PPEF2: variants seen among roughly 807,000 people sequenced by gnomAD.
PPEF2 encodes the protein protein phosphatase with EF-hand domain 2, also known as serine/threonine-protein phosphatase with EF-hands 2.
Under a neutral mutation model 84.7 loss-of-function variants are expected in PPEF2, and 84 were observed. That is an observed-to-expected ratio of 0.99 (90% CI 0.83 to 1.19). The LOEUF (loss-of-function observed/expected upper bound fraction) is 1.19, where lower values mean the gene tolerates loss of function less well. PPEF2 is among the 50% of genes most tolerant of loss of function. The pLI is 0.00. For missense variants in PPEF2, 924 were observed against 937.5 expected (o/e 0.99, Z 0.19); for synonymous variants, 346 against 345.2 (o/e 1.00, Z -0.03).
chr4:75,873,300 G>T lies in PPEF2; in HGVS notation c.1333C>A (p.Leu445Met), dbSNP rs753068486. The T allele has an allele frequency of 5.6e-6, 9 of 1,612,632 alleles. No homozygotes were observed. The highest frequency in any genetic ancestry group is 7.6e-6 in the Non-Finnish European group (9 of 1,179,554). ...TCTTGAGCCATGGGATCACTCCACA[G>T]GATATCTACAACCTGAGAAGACCAA... ...QEEWRQVVDI[L>M]WSDPMAQEGC... Residue 445 changes from leucine to methionine, a missense_variant, in exon 12 of 17, where the codon CTG (leucine) becomes ATG (methionine). Transcript: ENST00000286719.
At chr4:75,872,886 A>G (rs1418072091) in intron 12 of PPEF2, among the ~76,000 whole-genome samples, 3 of 152,214 alleles carry the variant, frequency 2.0e-5, no homozygotes, top group Non-Finnish European at 4.4e-5. Flanking sequence ...CCATTCATAA[A>G]ATGGGACCAT....
At chr4:75,875,466 A>G (rs150452472) in intron 11 of PPEF2, among the ~76,000 whole-genome samples, 2,088 of 152,144 alleles carry the variant, frequency 0.014, 46 homozygotes, top group African/African-American at 0.047. Flanking sequence ...AAAATTAGCC[A>G]GGCATGGTGG....
chr4:75,860,598 G>C lies in PPEF2; in HGVS notation c.*69C>G. ...GCATAAAGTTTCACATGGAGAATAA[G>C]GGAGATAGTCTAGTGAGAAGCTGAG... On this transcript the variant is annotated 3_prime_UTR_variant, in exon 17 of 17. Coordinates refer to ENST00000286719, the MANE Select transcript of PPEF2 (RefSeq NM_006239.3). 1 of 1,571,450 alleles carries C rather than the reference G, an allele frequency of 6.4e-7. No homozygotes were observed. Among genetic ancestry groups the C allele is most frequent in the South Asian group, 1.1e-5 (1 of 87,136 alleles).
At chr4:75,892,111 A>C in intron 2 of PPEF2, 133 bp from the exon 3 acceptor site, 1 of 1,149,278 alleles carries the variant, frequency 8.7e-7, no homozygotes, top group Admixed American at 2.3e-5. Context: ...AGCACTACCC[A>C]TTGACGCCCA....
intron 10 of PPEF2, 95 bp from the exon 11 acceptor site, chr4:75,876,768 G>A: frequency 7.4e-7 from 1 of 1,351,154 alleles, no homozygotes; most frequent in East Asian, 2.5e-5. Flanking sequence ...AACTTTGGGA[G>A]ACTGAGCCCA....
At chr4:75,878,960 T>C (rs752362608) in intron 10 of PPEF2, among the ~76,000 whole-genome samples, 1 of 152,188 alleles carries the variant, frequency 6.6e-6, no homozygotes, top group Non-Finnish European at 1.5e-5. Context: ...TGTTAGAAGA[T>C]GGTTTATTTA....
At chr4:75,875,468 G>C (rs1393743181) in intron 11 of PPEF2, among the ~76,000 whole-genome samples, 1 of 152,044 alleles carries the variant, frequency 6.6e-6, no homozygotes, top group Non-Finnish European at 1.5e-5. Flanking sequence ...AATTAGCCAG[G>C]CATGGTGGTG....
chr4:75,900,409 T>A (rs560134480), intron 1 of PPEF2, among the ~76,000 whole-genome samples: 1 of 152,298 alleles, frequency 6.6e-6, no homozygotes, highest in East Asian at 1.9e-4. Flanking sequence ...AAATGAAGTC[T>A]CCCATTAGGT....
chr4:75,890,488 CAAAAA>C (rs10710879), intron 4 of PPEF2, among the ~76,000 whole-genome samples: 2 of 124,594 alleles, frequency 1.6e-5, no homozygotes, highest in Non-Finnish European at 1.7e-5. Context: ...GACCCTGTCT[CAAAAA>C]AAAAAAAAAA....
intron 2 of PPEF2, among the ~76,000 whole-genome samples, chr4:75,892,251 AT>A (rs1724907818): frequency 1.3e-5 from 2 of 152,294 alleles, no homozygotes; most frequent in South Asian, 4.1e-4. Flanking sequence ...TGATGAAAAC[AT>A]TTCTGTATAG....
chr4:75,899,062 C>T (rs1725067267), intron 1 of PPEF2, among the ~76,000 whole-genome samples: 1 of 152,138 alleles, frequency 6.6e-6, no homozygotes, highest in African/African-American at 2.4e-5. Flanking sequence ...GCTCAACTTC[C>T]ATGATCTCAA....
chr4:75,891,995 G>A lies in PPEF2; in HGVS notation c.56-17C>T. 2 of 1,608,426 alleles carry A rather than the reference G, an allele frequency of 1.2e-6. No homozygotes were observed. Among genetic ancestry groups the A allele is most frequent in the Non-Finnish European group, 8.5e-7 (1 of 1,175,324 alleles). ...CCTTGAAGGCTATGACACCGATGGA[G>A]AAGCAAGCCTGTGAGCTCGGACTCC... On this transcript the variant is annotated splice_polypyrimidine_tract_variant and intron_variant, in intron 2 of 16. Coordinates refer to ENST00000286719, the MANE Select transcript of PPEF2 (RefSeq NM_006239.3).
At chr4:75,895,125 TA>T (rs980938148) in intron 2 of PPEF2, among the ~76,000 whole-genome samples, 16 of 122,076 alleles carry the variant, frequency 1.3e-4, no homozygotes, top group East Asian at 2.8e-4. Context: ...CCCAGCTAAT[TA>T]ATTTTTTTTT....
At chr4:75,890,729 G>T (rs1440741287) in intron 4 of PPEF2, among the ~76,000 whole-genome samples, 1 of 152,196 alleles carries the variant, frequency 6.6e-6, no homozygotes, top group East Asian at 1.9e-4. Context: ...GGGAAAGCCA[G>T]TGTGGAAAAA....
At position 75,865,901 on chromosome 4, in the gene PPEF2, C is replaced by T. The variant is rs114119402; in HGVS notation, c.1920+288G>A. Among the ~76,000 whole-genome samples, 724 of 152,206 alleles carry T rather than the reference C, an allele frequency of 4.8e-3. 7 individuals are homozygous for T. The highest frequency in any genetic ancestry group is 0.017 in the African/African-American group (691 of 41,532). On this transcript the variant is annotated intron_variant, in intron 15 of 16. Transcript: ENST00000286719. The stretch of plus-strand genomic sequence containing the variant: ...ACCTTGGCTTGAGTCCCAACTTAGT[C>T]GTTCTATGACCTCAGGCAAGTTGCT...
intron 3 of PPEF2, 52 bp from the exon 4 acceptor site, chr4:75,891,757 C>G: frequency 6.3e-7 from 1 of 1,597,780 alleles, no homozygotes. Flanking sequence ...AAAAGAGAAC[C>G]CACAAGTAGT....
intron 1 of PPEF2, among the ~76,000 whole-genome samples, chr4:75,898,993 A>T (rs965100434): frequency 6.6e-6 from 1 of 152,098 alleles, no homozygotes; most frequent in African/African-American, 2.4e-5. Flanking sequence ...CTGTTAATCA[A>T]CTTTCCTCAT....
intron 12 of PPEF2, 112 bp from the exon 13 acceptor site, chr4:75,872,279 T>A: frequency 9.8e-7 from 1 of 1,022,080 alleles, no homozygotes. Flanking sequence ...CTAGTGCTCA[T>A]CTGGGAATCC....
chr4:75,860,908 A>T lies in PPEF2; in HGVS notation c.2021T>A (p.Leu674Gln). 1.2e-6 allele frequency: 2 copies of T among 1,614,090 alleles called. No homozygotes were observed. Among genetic ancestry groups the T allele is most frequent in the South Asian group, 2.2e-5 (2 of 91,076 alleles). Residue 674 changes from leucine to glutamine, a missense_variant, in exon 17 of 17, where the codon CTG becomes CAG. By Grantham distance (113) the Leu-to-Gln change is moderately radical. Coordinates refer to ENST00000286719, the MANE Select transcript of PPEF2 (RefSeq NM_006239.3). ...CTTCCAGGTCTGCCTGAACTCGTCC[A>T]GTGAGATGAACCCTTATCAGAGGGA... ...IDSDHSGFISLDEFRQTWKLF... is the reference protein window; with the variant it reads ...IDSDHSGFISQDEFRQTWKLF...
Sources: allele counts gnomAD v4.1 joint callset (sites outside exome capture counted in the v4.1 genomes callset), GRCh38; gene constraint gnomAD v4.1.1; transcripts MANE v1.5; gene names NCBI Gene and HGNC (gene_info 2026-07-23, HGNC 2026-07-21).